The following EXOC6B variants were observed in gnomAD, a reference collection of about 807,000 sequenced individuals.
EXOC6B encodes exocyst complex component 6B.
Under a neutral mutation model 113.5 loss-of-function variants are expected in EXOC6B, and 54 were observed. The ratio of observed to expected loss-of-function variants is 0.48; its 90% CI spans 0.38 to 0.60. The LOEUF (loss-of-function observed/expected upper bound fraction) is 0.60, where lower values mean the gene tolerates loss of function less well. Ranked by LOEUF, EXOC6B falls within the 20% of genes least tolerant of loss-of-function variation. The pLI, the probability that EXOC6B is intolerant of heterozygous loss-of-function variation, is 0.00. For missense variants in EXOC6B, 797 were observed against 977.5 expected (o/e 0.82, Z 2.46); for synonymous variants, 357 against 339.0 (o/e 1.05, Z -0.58).
At chr2:72,443,279 C>T (rs926605949) in intron 18 of EXOC6B, among the ~76,000 whole-genome samples, 24 of 148,646 alleles carry the variant, frequency 1.6e-4, no homozygotes, top group Non-Finnish European at 2.7e-4. Flanking sequence ...GCCAAGATCG[C>T]GCCACTGCAC....
At chr2:72,180,980 C>T (rs924215124) in intron 21 of EXOC6B, among the ~76,000 whole-genome samples, 3 of 151,932 alleles carry the variant, frequency 2.0e-5, no homozygotes, top group South Asian at 2.1e-4. Context: ...GAGGCCGAGG[C>T]GGGTGGATCA....
At chr2:72,300,264 TGCTGA>T (rs1223088219) in intron 20 of EXOC6B, among the ~76,000 whole-genome samples, 1 of 152,210 alleles carries the variant, frequency 6.6e-6, no homozygotes, top group Non-Finnish European at 1.5e-5. Flanking sequence ...GCAGTGGCCT[TGCTGA>T]GCTGTGGTGG....
chr2:72,586,003 A>G (rs1705544927), intron 6 of EXOC6B, among the ~76,000 whole-genome samples: 1 of 152,138 alleles, frequency 6.6e-6, no homozygotes, highest in African/African-American at 2.4e-5. Context: ...TGGGAAAAGG[A>G]GTTCCTAATT....
chr2:72,217,426 C>T (rs1394087113), intron 20 of EXOC6B, among the ~76,000 whole-genome samples: 4 of 152,168 alleles, frequency 2.6e-5, no homozygotes, highest in Non-Finnish European at 5.9e-5. Context: ...ACCTCTGCTA[C>T]ACAGAGTCCC....
chr2:72,644,990 T>C (rs1211675006), intron 6 of EXOC6B, among the ~76,000 whole-genome samples: 1 of 152,106 alleles, frequency 6.6e-6, no homozygotes, highest in Admixed American at 6.5e-5. Context: ...AGACACAGAC[T>C]GGCAAATTGG....
chr2:72,251,649 C>A (rs1232589699), intron 20 of EXOC6B, among the ~76,000 whole-genome samples: 4 of 152,094 alleles, frequency 2.6e-5, no homozygotes, highest in Admixed American at 2.6e-4. Flanking sequence ...GAGTCCCAGG[C>A]AAATATACAT....
chr2:72,575,251 C>T (rs932231869), intron 7 of EXOC6B, among the ~76,000 whole-genome samples: 2 of 152,062 alleles, frequency 1.3e-5, no homozygotes, highest in Non-Finnish European at 2.9e-5. Flanking sequence ...TTTAAAAACC[C>T]TGAAACTTTT....
chr2:72,665,792 A>T (rs546073762), intron 6 of EXOC6B, among the ~76,000 whole-genome samples: 1 of 152,190 alleles, frequency 6.6e-6, no homozygotes, highest in Non-Finnish European at 1.5e-5. Flanking sequence ...ACGCAATCAA[A>T]TCTATGAAAC....
At chr2:72,275,061 A>C (rs1351467110) in intron 20 of EXOC6B, among the ~76,000 whole-genome samples, 2 of 152,186 alleles carry the variant, frequency 1.3e-5, no homozygotes, top group African/African-American at 4.8e-5. Flanking sequence ...GTGACTGTCA[A>C]ATAAATCGTT....
At chr2:72,355,940 A>G (rs1303607239) in intron 19 of EXOC6B, among the ~76,000 whole-genome samples, 4 of 152,192 alleles carry the variant, frequency 2.6e-5, no homozygotes, top group African/African-American at 9.6e-5. Context: ...TAAACCTTAC[A>G]TTCTTAAGAT....
intron 6 of EXOC6B, among the ~76,000 whole-genome samples, chr2:72,582,113 C>A (rs541697860): frequency 1.3e-5 from 2 of 152,112 alleles, no homozygotes; most frequent in African/African-American, 2.4e-5. Flanking sequence ...AAAGACCCTG[C>A]CCAACATTCT....
chr2:72,376,298 C>T (rs1479462922), intron 19 of EXOC6B, among the ~76,000 whole-genome samples: 1 of 152,020 alleles, frequency 6.6e-6, no homozygotes, highest in Non-Finnish European at 1.5e-5. Context: ...TCTTTATTTT[C>T]CGTTTATTTT....
rs897389630 is a variant in EXOC6B at position 72,395,131 on chromosome 2, G to A, written c.1981-15261C>T. Among the ~76,000 whole-genome samples the A allele has an allele frequency of 5.3e-5, 8 of 152,122 alleles. 1 individual carries two copies. Among genetic ancestry groups the A allele is most frequent in the Non-Finnish European group, 1.2e-4 (8 of 67,994 alleles). On this transcript the variant is annotated intron_variant, in intron 18 of 21. Coordinates refer to ENST00000272427, the MANE Select transcript of EXOC6B (RefSeq NM_015189.3). The stretch of plus-strand genomic sequence containing the variant: ...ACTTTCCAATAAGCCATTTAATAAT[G>A]TGACAAAGCAAGAGTATTAAAATAT...
chr2:72,702,204 G>C (rs1318106208), intron 6 of EXOC6B, among the ~76,000 whole-genome samples: 1 of 151,404 alleles, frequency 6.6e-6, no homozygotes, highest in Admixed American at 6.6e-5. Flanking sequence ...AGTTTACTGA[G>C]AATGATGATT....
chr2:72,740,588 C>T (rs1414201757), intron 2 of EXOC6B, among the ~76,000 whole-genome samples: 1 of 152,204 alleles, frequency 6.6e-6, no homozygotes, highest in African/African-American at 2.4e-5. Context: ...TGGTAGAAGA[C>T]CCTCCACAAC....
intron 11 of EXOC6B, among the ~76,000 whole-genome samples, chr2:72,508,810 A>G (rs1371135864): frequency 8.6e-5 from 13 of 152,004 alleles, no homozygotes; most frequent in Non-Finnish European, 8.8e-5. Flanking sequence ...AATAAAATAA[A>G]TAAACAAAAA....
At chr2:72,195,889 G>A (rs1679138527) in intron 20 of EXOC6B, among the ~76,000 whole-genome samples, 1 of 152,114 alleles carries the variant, frequency 6.6e-6, no homozygotes, top group Non-Finnish European at 1.5e-5. Context: ...CTTAACCTGA[G>A]TACATATTGT....
chr2:72,499,422 G>T (rs1417685919), intron 12 of EXOC6B, among the ~76,000 whole-genome samples: 1 of 151,556 alleles, frequency 6.6e-6, no homozygotes, highest in Non-Finnish European at 1.5e-5. Context: ...CTAAAGACAG[G>T]GTTTCACCAT....
chr2:72,557,805 A>AT, intron 8 of EXOC6B, among the ~76,000 whole-genome samples: 1 of 151,988 alleles, frequency 6.6e-6, no homozygotes, highest in Non-Finnish European at 1.5e-5. Context: ...CCAAACCTAA[A>AT]TTTTTTTTAA....
Sources: allele counts gnomAD v4.1 joint callset (sites outside exome capture counted in the v4.1 genomes callset), GRCh38; gene constraint gnomAD v4.1.1; transcripts MANE v1.5; gene names NCBI Gene and HGNC (gene_info 2026-07-23, HGNC 2026-07-21).